UTP20: variants seen among roughly 807,000 people sequenced by gnomAD.
The protein encoded by UTP20 is UTP20 small subunit processome component.
Under a neutral mutation model 329.5 loss-of-function variants are expected in UTP20, and 164 were observed. That is an observed-to-expected ratio of 0.50 (90% CI 0.44 to 0.57). The LOEUF (loss-of-function observed/expected upper bound fraction) is 0.57. UTP20 is among the 20% of genes least tolerant of loss of function. The probability of loss-of-function intolerance (pLI) is 0.00; values close to 1 mark genes in which losing one functional copy is unlikely to be tolerated. For missense variants in UTP20, 3,055 were observed against 3,284.2 expected, an observed-to-expected ratio of 0.93 and a Z score of 1.71; for synonymous variants, 1,151 against 1,159.3, an observed-to-expected ratio of 0.99 and a Z score of 0.14.
chr12:101,369,201 G>A (rs957590045), intron 48 of UTP20, among the ~76,000 whole-genome samples: 1 of 152,144 alleles, frequency 6.6e-6, no homozygotes, highest in Non-Finnish European at 1.5e-5. Flanking sequence ...CTTAGTAAGA[G>A]TAGATTACAT....
At chr12:101,356,196 G>A (rs1346401949) in intron 41 of UTP20, among the ~76,000 whole-genome samples, 2 of 152,026 alleles carry the variant, frequency 1.3e-5, no homozygotes, top group Non-Finnish European at 2.9e-5. Flanking sequence ...GCACGATCTC[G>A]GCTCACCACA....
At chr12:101,329,931 G>A (rs893384709) in intron 27 of UTP20, among the ~76,000 whole-genome samples, 2 of 151,476 alleles carry the variant, frequency 1.3e-5, no homozygotes, top group Admixed American at 1.3e-4. Flanking sequence ...GGAGATTGAG[G>A]CTGTAGTAGG....
rs776675361 is a variant in UTP20 at position 101,356,906 on chromosome 12, T to G, written c.5535-20T>G. 1 of 1,598,674 alleles carries G rather than the reference T, an allele frequency of 6.3e-7. No individual in the cohort carries two copies. Among genetic ancestry groups the G allele is most frequent in the South Asian group, 1.1e-5 (1 of 88,338 alleles). On this transcript the variant is annotated intron_variant, in intron 42 of 61. Coordinates refer to ENST00000261637, the MANE Select transcript of UTP20 (RefSeq NM_014503.3). ...CTTCTGTTTATTTGATTAGTCATTT[T>G]TCAACTTCTCATTTTCTAGTATTTT...
In UTP20 at chr12:101,312,064, T is replaced by C. The variant is rs1291035437; in HGVS notation, c.2340T>C (p.Asp780=). The change falls in exon 21 of 62, where the codon GAT becomes GAC. Residue 780 remains aspartate (D), a synonymous_variant. Coordinates refer to ENST00000261637, the MANE Select transcript of UTP20 (RefSeq NM_014503.3). ...AEKELQNDMT[D]EKSVGDESWE... is the part of the protein sequence containing the mutation. ...AGGAACTACAGAATGATATGACAGA[T>C]GAGAAGTCCGTTGGAGATGAAAGTT... The C allele has an allele frequency of 1.2e-6, 2 of 1,614,202 alleles. No homozygotes were observed. Among genetic ancestry groups the C allele is most frequent in the Non-Finnish European group, 1.7e-6 (2 of 1,180,016 alleles).
At chr12:101,345,495 C>T in intron 36 of UTP20, 59 bp from the exon 37 acceptor site, 2 of 1,089,116 alleles carry the variant, frequency 1.8e-6, no homozygotes, top group Non-Finnish European at 2.5e-6. Flanking sequence ...TCTGTTTCCT[C>T]ATATTAGAAA....
intron 58 of UTP20, among the ~76,000 whole-genome samples, chr12:101,382,410 AAAAAC>A (rs910429134): frequency 3.3e-5 from 5 of 152,292 alleles, no homozygotes; most frequent in Middle Eastern, 6.8e-3. Flanking sequence ...AAAATACCCA[AAAAAC>A]AAAACAAAAC....
intron 2 of UTP20, among the ~76,000 whole-genome samples, chr12:101,281,867 G>A (rs905322367): frequency 6.6e-6 from 1 of 152,006 alleles, no homozygotes; most frequent in African/African-American, 2.4e-5. Context: ...ACCACACCCA[G>A]CTAATTTTTG....
Position 101,375,684 on chromosome 12 carries a change from A to G in UTP20, c.7324A>G (p.Ile2442Val), listed in dbSNP as rs753280046. The G allele has an allele frequency of 8.1e-6, 13 of 1,609,664 alleles. No homozygotes were observed. In the South Asian group the frequency reaches 1.0e-4, roughly 12 times the overall value. Reference sequence around the variant, plus strand: ...CCTTCTGTTTAGTTTTCTTACACTGATAACTAAACTTATCAAGGAATGTAA... The same window carrying G: ...CCTTCTGTTTAGTTTTCTTACACTGGTAACTAAACTTATCAAGGAATGTAA... ...DRLLFSFLTL[I>V]TKLIKECNII... The change falls in exon 56 of 62, where the codon ATA becomes GTA. Residue 2442 changes from isoleucine to valine, a missense_variant. This residue lies in a region of UTP20 where 273 missense variants were observed against 363.1 expected (regional missense o/e 0.75). Transcript: ENST00000261637.
chr12:101,366,475 G>C lies in UTP20; in HGVS notation c.6126-83G>C. The C allele has an allele frequency of 2.6e-6, 4 of 1,511,476 alleles. No homozygotes were observed. The South Asian group carries it at 5.2e-5, about 20-fold the overall frequency. 93.6% of individuals were successfully genotyped at this position (1,511,476 alleles called of 1,614,324 possible). A position where few individuals can be genotyped will look rare whatever the true frequency, so the allele number is the denominator to read the frequency against. ...GCACATTATTTAGTGCTGGGCTCTC[G>C]TCACTTTAGAAGGGCCACTCTAACT... is the stretch of plus-strand genomic sequence containing the variant. On this transcript the variant is annotated intron_variant, in intron 46 of 61. Coordinates refer to ENST00000261637, the MANE Select transcript of UTP20 (RefSeq NM_014503.3).
At chr12:101,323,707 C>G (rs571962552) in intron 25 of UTP20, among the ~76,000 whole-genome samples, 1 of 151,778 alleles carries the variant, frequency 6.6e-6, no homozygotes, top group South Asian at 2.1e-4. Context: ...GTTTTCTTCT[C>G]ATTCTGTTTG....
At chr12:101,296,288 C>T (rs1277777210) in intron 12 of UTP20, among the ~76,000 whole-genome samples, 1 of 152,068 alleles carries the variant, frequency 6.6e-6, no homozygotes, top group Non-Finnish European at 1.5e-5. Flanking sequence ...AACCACACTC[C>T]TGGCCAGGCG....
Position 101,288,990 on chromosome 12 carries a change from A to G in UTP20, c.546A>G (p.Lys182=), listed in dbSNP as rs1338375377. The change falls in exon 6 of 62, where the codon AAA becomes AAG. Residue 182 remains lysine (K), a synonymous_variant. Transcript: ENST00000261637. The part of the protein sequence containing the change: ...SMYSTLLAHK[K]LHIRNFAAES... Reference sequence around the variant, plus strand: ...ACAGCACACTCCTGGCTCATAAAAAACTACATATAAGAAATTTTGCTGCTG... The same window carrying G: ...ACAGCACACTCCTGGCTCATAAAAAGCTACATATAAGAAATTTTGCTGCTG... 3.1e-6 allele frequency: 5 copies of G among 1,613,860 alleles called. No homozygotes were observed. Among genetic ancestry groups the G allele is most frequent in the Non-Finnish European group, 4.2e-6 (5 of 1,179,938 alleles).
rs868699578 is a variant in UTP20, at chr12:101,319,558, C to T, written c.2752C>T (p.His918Tyr). 5 of 1,604,794 alleles carry T rather than the reference C, an allele frequency of 3.1e-6. No individual in the cohort carries two copies. The highest frequency in any genetic ancestry group is 1.7e-5 in the Admixed American group (1 of 57,720). Residue 918 changes from histidine (H) to tyrosine (Y), a missense_variant, in exon 23 of 62, where the codon CAT becomes TAT. Coordinates refer to ENST00000261637, the MANE Select transcript of UTP20 (RefSeq NM_014503.3). ...RRAAAKQLIA[H>Y]LQVFSKFSNP... is the part of the protein sequence containing the mutation. Reference sequence around the variant, plus strand: ...GTTTTTGTTTAGGCAATTAATTGCTCATTTGCAAGTTTTCTCTAAATTTTC... The same window carrying T: ...GTTTTTGTTTAGGCAATTAATTGCTTATTTGCAAGTTTTCTCTAAATTTTC...
At chr12:101,283,652 CTGCCTTAAAGGACATGAAAA>C (rs1206403773) in intron 2 of UTP20, among the ~76,000 whole-genome samples, 17 of 152,292 alleles carry the variant, frequency 1.1e-4, no homozygotes, top group East Asian at 1.9e-4. Context: ...TATTTTCTTT[CTGCCTTAAAGGACATGAAAA>C]TGCCTTAAAG....
At position 101,280,960 on chromosome 12, in the gene UTP20, G is replaced by A. The variant is rs879099371; in HGVS notation, c.46-156G>A. On this transcript the variant is annotated intron_variant, in intron 1 of 61. Transcript: ENST00000261637. ...TAGAAGTATTCATTATCTTTGAACA[G>A]TGATGCAGTAAATTTGTTTACGGCC... Among the ~76,000 whole-genome samples the A allele has an allele frequency of 3.3e-5, 5 of 152,262 alleles. No homozygotes were observed. The South Asian group carries it at 1.0e-3, about 32-fold the overall frequency.
chr12:101,326,520 T>C (rs1868562304), intron 25 of UTP20, among the ~76,000 whole-genome samples: 1 of 96,800 alleles, frequency 1.0e-5, no homozygotes, highest in South Asian at 3.3e-4. Context: ...CTTTTATTTA[T>C]TTATATTTAT....
intron 21 of UTP20, among the ~76,000 whole-genome samples, chr12:101,314,635 G>A (rs543626707): frequency 6.6e-6 from 1 of 150,884 alleles, no homozygotes; most frequent in East Asian, 2.0e-4. Flanking sequence ...TCCAGCCTGG[G>A]CGACAGAGCG....
intron 7 of UTP20, 54 bp from the exon 8 acceptor site, chr12:101,290,679 A>G: frequency 6.5e-7 from 1 of 1,532,290 alleles, no homozygotes. Flanking sequence ...CTCCCAGAGC[A>G]ATACTTGAAA....
At chr12:101,385,454 T>G in intron 60 of UTP20, 129 bp from the exon 61 acceptor site, 1 of 1,101,686 alleles carries the variant, frequency 9.1e-7, no homozygotes, top group Non-Finnish European at 1.3e-6. Flanking sequence ...AAATTTTGTT[T>G]TGTTTTATTT....
Sources: allele counts gnomAD v4.1 joint callset (sites outside exome capture counted in the v4.1 genomes callset), GRCh38; gene constraint gnomAD v4.1.1; regional missense constraint gnomAD v4.1.1; transcripts MANE v1.5; gene names NCBI Gene and HGNC (gene_info 2026-07-23, HGNC 2026-07-21).